Variants in C4orf50 observed in about 807,000 individuals in gnomAD.
C4orf50 encodes chromosome 4 open reading frame 50.
In C4orf50, 80 loss-of-function variants were observed where a neutral mutation model predicts 77.2. That is an observed-to-expected ratio of 1.04 (90% CI 0.87 to 1.25). The LOEUF is 1.25. C4orf50 is among the 50% of genes most tolerant of loss of function. The pLI, the probability that C4orf50 is intolerant of heterozygous loss-of-function variation, is 0.00. For missense variants in C4orf50, 1,257 were observed against 1,152.9 expected (o/e 1.09, Z -1.31); for synonymous variants, 532 against 465.3 (o/e 1.14, Z -1.84).
chr4:5,904,426 A>C (rs2152480121), intron 7 of C4orf50: 1 of 152,410 alleles, frequency 6.6e-6, no homozygotes, highest in South Asian at 2.1e-4. Flanking sequence ...TGAGAGAAGA[A>C]GAGCTCTTCG....
intron 25 of C4orf50, among the ~76,000 whole-genome samples, chr4:5,994,808 G>A (rs990683314): frequency 5.9e-5 from 9 of 152,190 alleles, no homozygotes; most frequent in East Asian, 1.9e-4. Flanking sequence ...GGTACAGTCC[G>A]TGGCCTGTTA....
At chr4:5,963,827 C>T (rs948968381) in intron 33 of C4orf50, among the ~76,000 whole-genome samples, 1 of 152,162 alleles carries the variant, frequency 6.6e-6, no homozygotes, top group African/African-American at 2.4e-5. Flanking sequence ...CTGACAGTTA[C>T]GTGCAGGCAG....
chr4:5,972,779 G>T (rs186800717), intron 31 of C4orf50, among the ~76,000 whole-genome samples: 3 of 152,236 alleles, frequency 2.0e-5, no homozygotes, highest in African/African-American at 7.2e-5. Context: ...GCGCACATAA[G>T]GAGCGGAGCT....
chr4:5,964,790 A>T (rs1719474292), intron 33 of C4orf50, among the ~76,000 whole-genome samples: 1 of 141,874 alleles, frequency 7.0e-6, no homozygotes, highest in Non-Finnish European at 1.5e-5. Flanking sequence ...AAAAAAAAAA[A>T]TGTCACCAGA....
At chr4:6,002,218 G>T (rs1721860538) in intron 25 of C4orf50, among the ~76,000 whole-genome samples, 1 of 152,164 alleles carries the variant, frequency 6.6e-6, no homozygotes, top group South Asian at 2.1e-4. Context: ...AAGAGGCCAA[G>T]AGAAAATGGA....
At chr4:5,976,298 A>G (rs1720279337) in intron 29 of C4orf50, among the ~76,000 whole-genome samples, 1 of 151,852 alleles carries the variant, frequency 6.6e-6, no homozygotes, top group Non-Finnish European at 1.5e-5. Context: ...AAAAATACAA[A>G]AAAAAAAATT....
rs1721368137 is a variant in C4orf50, at chr4:5,992,851, C to T, written c.1173G>A (p.Glu391=). The change falls in exon 27 of 34, where the codon GAG becomes GAA. Residue 391 remains glutamate, a synonymous_variant. Transcript: ENST00000531445. The surrounding 1 kb of genome is among the most constrained non-coding windows in gnomAD (Gnocchi z 5.0). Reference sequence around the variant, plus strand: ...GGTCTCTGGGGAGCTCGCTTGTGGTCTCCGGGCCTGGAGCCAAAACAGAAG... The same window carrying T: ...GGTCTCTGGGGAGCTCGCTTGTGGTTTCCGGGCCTGGAGCCAAAACAGAAG... 5.0e-6 allele frequency: 2 copies of T among 399,000 alleles called. No individual in the cohort carries two copies. Among genetic ancestry groups the T allele is most frequent in the Admixed American group, 8.8e-5 (2 of 22,716 alleles). The allele number at this position is 399,000 out of a possible 1,614,324, so 24.7% of individuals were successfully genotyped here.
intron 7 of C4orf50, among the ~76,000 whole-genome samples, chr4:5,950,758 A>G (rs1318355597): frequency 1.3e-5 from 2 of 152,166 alleles, no homozygotes; most frequent in African/African-American, 4.8e-5. Flanking sequence ...TACACAATAT[A>G]TATGAATCTG....
intron 7 of C4orf50, among the ~76,000 whole-genome samples, chr4:5,922,734 G>T (rs1717333803): frequency 6.6e-6 from 1 of 152,186 alleles, no homozygotes; most frequent in South Asian, 2.1e-4. Context: ...GGCCCTCGTG[G>T]CATGCTCATC....
At chr4:5,953,474 T>C (rs1718815706), downstream of C4orf50, among the ~76,000 whole-genome samples, 1 of 152,188 alleles carries the variant, frequency 6.6e-6, no homozygotes, top group Non-Finnish European at 1.5e-5. Context: ...GGAGTCACAG[T>C]AACTTCCTAA....
chr4:5,960,206 A>G (rs1719196657), intron 33 of C4orf50, among the ~76,000 whole-genome samples: 1 of 152,214 alleles, frequency 6.6e-6, no homozygotes, highest in Non-Finnish European at 1.5e-5. Flanking sequence ...AGCCAAGCCC[A>G]TCTGATTTCA....
exon 34 of C4orf50, chr4:5,959,515 G>A (rs757256387): frequency 3.7e-6 from 6 of 1,614,216 alleles, no homozygotes; most frequent in African/African-American, 1.3e-5. Context: ...TGGAGGGCAG[G>A]ACAGGGCATT....
intron 7 of C4orf50, among the ~76,000 whole-genome samples, chr4:5,926,339 A>AG (rs1717509594): frequency 6.6e-6 from 1 of 152,186 alleles, no homozygotes; most frequent in African/African-American, 2.4e-5. Flanking sequence ...ACAGACACGA[A>AG]GGCCACGTGG....
chr4:5,973,552 G>A (rs528746488), intron 31 of C4orf50, 107 bp downstream of exon 9: 8 of 930,304 alleles, frequency 8.6e-6, no homozygotes, highest in African/African-American at 6.6e-5. Context: ...TGTCCGCGGT[G>A]GGAGGGAGGG....
intron 28 of C4orf50, among the ~76,000 whole-genome samples, chr4:5,981,372 G>A (rs1039990263): frequency 6.6e-6 from 1 of 151,724 alleles, no homozygotes; most frequent in South Asian, 2.1e-4. Context: ...AGATCATCAG[G>A]GGGTATTTCC....
intron 7 of C4orf50, among the ~76,000 whole-genome samples, chr4:5,924,978 G>A (rs762596736): frequency 6.6e-6 from 1 of 152,068 alleles, no homozygotes; most frequent in Non-Finnish European, 1.5e-5. Flanking sequence ...AGGAAGTCTG[G>A]GAATTCCCTG....
At chr4:5,911,960 C>T (rs985082353) in intron 7 of C4orf50, among the ~76,000 whole-genome samples, 7 of 152,232 alleles carry the variant, frequency 4.6e-5, no homozygotes, top group Middle Eastern at 6.8e-3. Context: ...GCGGGAAAAT[C>T]GCTTTAACCC....
chr4:5,959,250 A>G, exon 34 of C4orf50: 2 of 1,166,362 alleles, frequency 1.7e-6, no homozygotes, highest in Non-Finnish European at 2.4e-6. Flanking sequence ...CCAAAGCCGA[A>G]GGCAAAACCA....
intron 25 of C4orf50, among the ~76,000 whole-genome samples, chr4:6,004,230 T>C (rs1577992222): frequency 0.066 from 2,994 of 45,454 alleles, no homozygotes; most frequent in Middle Eastern, 0.13. Flanking sequence ...GATGATGTGA[T>C]GGTGATGATG....
Sources: allele counts gnomAD v4.1 joint callset (sites outside exome capture counted in the v4.1 genomes callset), GRCh38; gene constraint gnomAD v4.1.1; non-coding constraint Gnocchi (gnomAD v3.1); transcripts MANE v1.5; gene names NCBI Gene and HGNC (gene_info 2026-07-23, HGNC 2026-07-21).